The following GABRG3 variants were observed in gnomAD, a reference collection of about 807,000 sequenced individuals.
GABRG3 encodes gamma-aminobutyric acid type A receptor subunit gamma3.
A neutral mutation model predicts 48.8 loss-of-function variants in GABRG3; 25 were observed. The observed-to-expected ratio is 0.51, with a 90% CI of 0.37 to 0.72. GABRG3 has a LOEUF of 0.72. GABRG3 is among the 30% of genes least tolerant of loss of function. The pLI is 0.00. For synonymous variants in GABRG3, 227 were observed against 217.6 expected, an observed-to-expected ratio of 1.04 and a Z score of -0.38; for missense variants, 394 against 577.9, an observed-to-expected ratio of 0.68 and a Z score of 3.26.
At chr15:27,194,341 C>T (rs978276903) in intron 3 of GABRG3, among the ~76,000 whole-genome samples, 3 of 152,194 alleles carry the variant, frequency 2.0e-5, no homozygotes, top group Non-Finnish European at 2.9e-5. Context: ...TATCCTTACT[C>T]TTACATATTT....
intron 3 of GABRG3, among the ~76,000 whole-genome samples, chr15:27,273,275 T>C (rs564196182): frequency 6.3e-4 from 96 of 152,312 alleles, no homozygotes; most frequent in African/African-American, 2.0e-3. Flanking sequence ...ATTATAAATT[T>C]TGTCAATAAG....
chr15:27,378,248 T>A (rs1309404611), intron 5 of GABRG3, among the ~76,000 whole-genome samples: 1 of 152,166 alleles, frequency 6.6e-6, no homozygotes, highest in Non-Finnish European at 1.5e-5. Flanking sequence ...GAATAAAAGC[T>A]GAAATTTAAA....
At chr15:27,221,839 A>G (rs1291083560) in intron 3 of GABRG3, among the ~76,000 whole-genome samples, 2 of 152,208 alleles carry the variant, frequency 1.3e-5, no homozygotes, top group East Asian at 3.8e-4. Flanking sequence ...CAGATGGCAA[A>G]TAAAGATGAT....
Position 27,305,566 on chromosome 15 carries a change from G to A in GABRG3, c.271-21243G>A, listed in dbSNP as rs868765211. ...ATATATAAACATAATATAAACCTAC[G>A]TGTTTATATATAAACATATATATAA... On this transcript the variant is annotated intron_variant, in intron 3 of 9. Transcript: ENST00000615808. 6.0e-5 allele frequency among the ~76,000 whole-genome samples: 8 copies of A among 133,920 alleles called. No individual in the cohort carries two copies. In the South Asian group the frequency reaches 7.1e-4, roughly 12 times the overall value. 87.9% of individuals were successfully genotyped at this position (133,920 alleles called of 152,430 possible).
intron 5 of GABRG3, among the ~76,000 whole-genome samples, chr15:27,380,734 G>A (rs1055108751): frequency 4.7e-5 from 7 of 148,944 alleles, no homozygotes; most frequent in Non-Finnish European, 8.9e-5. Flanking sequence ...TGGTGCTCAG[G>A]GGCTACGGGG....
chr15:27,442,005 G>C (rs1160917894), intron 5 of GABRG3, among the ~76,000 whole-genome samples: 1 of 152,134 alleles, frequency 6.6e-6, no homozygotes, highest in African/African-American at 2.4e-5. Flanking sequence ...CTTACACTAT[G>C]GGACACCTTG....
At chr15:27,491,451 C>T (rs58216397) in intron 6 of GABRG3, among the ~76,000 whole-genome samples, 3,306 of 152,264 alleles carry the variant, frequency 0.022, 118 homozygotes, top group African/African-American at 0.074. Context: ...TCTTCCTGTC[C>T]GTAGGGGGTT....
At chr15:27,332,685 T>C (rs1417815445) in intron 5 of GABRG3, among the ~76,000 whole-genome samples, 1 of 152,206 alleles carries the variant, frequency 6.6e-6, no homozygotes, top group Non-Finnish European at 1.5e-5. Context: ...GCTGAACAAC[T>C]TGTTATATTC....
At chr15:27,419,886 T>G (rs1360290671) in intron 5 of GABRG3, among the ~76,000 whole-genome samples, 2 of 152,178 alleles carry the variant, frequency 1.3e-5, no homozygotes, top group Non-Finnish European at 2.9e-5. Flanking sequence ...ATGTATAGGA[T>G]AGACTGGAAG....
At chr15:27,413,415 T>G (rs1887856241) in intron 5 of GABRG3, among the ~76,000 whole-genome samples, 1 of 152,200 alleles carries the variant, frequency 6.6e-6, no homozygotes, top group Non-Finnish European at 1.5e-5. Flanking sequence ...GATTTACAAT[T>G]ATATGCAGAT....
At chr15:27,067,735 G>T (rs1173846300) in intron 3 of GABRG3, among the ~76,000 whole-genome samples, 1 of 152,192 alleles carries the variant, frequency 6.6e-6, no homozygotes, top group Non-Finnish European at 1.5e-5. Context: ...AGGCGGCTCT[G>T]CCTTCCAAGC....
In GABRG3 at chr15:27,206,883, T is replaced by G. The variant is rs577268196; in HGVS notation, c.271-119926T>G. On this transcript the variant is annotated intron_variant, in intron 3 of 9. Transcript: ENST00000615808. The stretch of plus-strand genomic sequence containing the variant: ...AAGAATAGCAACCGGTGCTCTTTTT[T>G]TTGTTTTCTGTTTGTCTGATAGATT... 2.2e-4 allele frequency among the ~76,000 whole-genome samples: 33 copies of G among 152,284 alleles called. 1 individual carries two copies. The highest frequency in any genetic ancestry group is 7.2e-4 in the African/African-American group (30 of 41,570).
intron 3 of GABRG3, among the ~76,000 whole-genome samples, chr15:27,308,362 T>A (rs1314446301): frequency 1.1e-5 from 1 of 87,582 alleles, no homozygotes; most frequent in African/African-American, 4.6e-5. Context: ...CGTTTATATA[T>A]AAACATATAA....
At position 27,306,191 on chromosome 15, in the gene GABRG3, CAT is replaced by C. The variant is rs532037910; in HGVS notation, c.271-20615_271-20614del. Among the ~76,000 whole-genome samples, 47 of 129,532 alleles carry C rather than the reference CAT, an allele frequency of 3.6e-4. 1 individual carries two copies. Among genetic ancestry groups the C allele is most frequent in the African/African-American group, 7.2e-4 (25 of 34,836 alleles). 85.0% of individuals were successfully genotyped at this position (129,532 alleles called of 152,430 possible). On this transcript the variant is annotated intron_variant, in intron 3 of 9. Coordinates refer to ENST00000615808, the MANE Select transcript of GABRG3 (RefSeq NM_033223.5). ...TTTATATATAAACATATAATATAAA[CAT>C]ATTTATAATATAAACATATGTAATA...
intron 2 of GABRG3, among the ~76,000 whole-genome samples, chr15:26,995,705 A>C (rs918367053): frequency 6.6e-6 from 1 of 152,080 alleles, no homozygotes; most frequent in East Asian, 1.9e-4. Context: ...AACAATATAT[A>C]TCTGAGATTA....
intron 3 of GABRG3, among the ~76,000 whole-genome samples, chr15:27,232,247 A>C (rs553251984): frequency 1.9e-4 from 29 of 152,322 alleles, no homozygotes; most frequent in Middle Eastern, 6.8e-3. Flanking sequence ...AATGGTGTTT[A>C]ACCACCTGGA....
intron 3 of GABRG3, among the ~76,000 whole-genome samples, chr15:27,306,587 TATA>T (rs1260885915): frequency 3.8e-5 from 5 of 131,334 alleles, no homozygotes; most frequent in South Asian, 4.7e-4. Flanking sequence ...TATATAAACA[TATA>T]ATATAAACAT....
At chr15:27,157,830 T>G (rs1898472986) in intron 3 of GABRG3, 1 of 152,260 alleles carries the variant, frequency 6.6e-6, no homozygotes, top group African/African-American at 2.4e-5. Context: ...GTTCTGATGT[T>G]TGATAGCAGC....
intron 5 of GABRG3, among the ~76,000 whole-genome samples, chr15:27,369,782 G>A (rs1184497519): frequency 1.4e-5 from 2 of 140,346 alleles, no homozygotes; most frequent in East Asian, 4.0e-4. Context: ...ACTCCAGCCT[G>A]GGCGACAGAG....
Sources: gnomAD v4.1 joint callset for allele counts (sites outside exome capture counted in the v4.1 genomes callset) on GRCh38, gnomAD v4.1.1 for gene constraint, MANE v1.5 for transcripts, NCBI Gene and HGNC (gene_info 2026-07-23, HGNC 2026-07-21) for gene names.